The following LAMB4 variants were observed in gnomAD, a reference collection of about 807,000 sequenced individuals.
The protein encoded by LAMB4 is laminin subunit beta 4.
Under a neutral mutation model 199.2 loss-of-function variants are expected in LAMB4, and 196 were observed. The ratio of observed to expected loss-of-function variants is 0.98; its 90% CI spans 0.88 to 1.11. LAMB4 has a LOEUF of 1.11. Ranked by LOEUF, LAMB4 falls within the 50% of genes least tolerant of loss-of-function variation. The pLI is 0.00. For synonymous variants in LAMB4, 744 were observed against 770.6 expected, an observed-to-expected ratio of 0.97 and a Z score of 0.57; for missense variants, 2,080 against 2,171.2, an observed-to-expected ratio of 0.96 and a Z score of 0.83.
chr7:108,045,680 G>A (rs1165358357), intron 28 of LAMB4, among the ~76,000 whole-genome samples: 2 of 152,154 alleles, frequency 1.3e-5, no homozygotes, highest in Admixed American at 1.3e-4. Flanking sequence ...AAACAATGAA[G>A]GTGTGTTTTA....
chr7:108,060,246 GCTAC>G (rs1299929896), intron 23 of LAMB4, among the ~76,000 whole-genome samples: 3 of 152,186 alleles, frequency 2.0e-5, no homozygotes, highest in African/African-American at 7.2e-5. Flanking sequence ...CAGCTTCAAG[GCTAC>G]CTTGGAACTG....
intron 28 of LAMB4, among the ~76,000 whole-genome samples, chr7:108,046,157 C>T (rs1218326014): frequency 6.6e-6 from 1 of 151,894 alleles, no homozygotes; most frequent in Non-Finnish European, 1.5e-5. Flanking sequence ...CAACCTCTGC[C>T]TCCCGGGTCC....
chr7:108,075,054 T>A (rs865983851), intron 17 of LAMB4, among the ~76,000 whole-genome samples: 36 of 152,208 alleles, frequency 2.4e-4, no homozygotes, highest in Middle Eastern at 3.2e-3. Flanking sequence ...CCATTCTCTT[T>A]AATTTGCTTG....
Position 108,105,949 on chromosome 7 carries a change from A to G in LAMB4, c.738T>C (p.Asn246=), listed in dbSNP as rs1193474010. The G allele has an allele frequency of 6.2e-7, 1 of 1,614,230 alleles. No homozygotes were observed. Among genetic ancestry groups the G allele is most frequent in the South Asian group, 1.1e-5 (1 of 91,088 alleles). The change falls in exon 8 of 34, where the codon AAT becomes AAC. Residue 246 remains asparagine, a synonymous_variant. Coordinates refer to ENST00000388781, the MANE Select transcript of LAMB4 (RefSeq NM_007356.3). ...CATAGTAGTATTTATCAAGGGAATCATTTTGCCTCCTTCCAAGCAAAGCAT... is the reference window on the plus strand; with the variant it reads ...CATAGTAGTATTTATCAAGGGAATCGTTTTGCCTCCTTCCAAGCAAAGCAT... The part of the protein sequence containing the change: ...LGDALLGRRQ[N]DSLDKYYYAL...
chr7:108,052,376 C>T (rs972071658), intron 25 of LAMB4, 119 bp from the exon 26 acceptor site: 16 of 683,050 alleles, frequency 2.3e-5, no homozygotes, highest in Non-Finnish European at 3.7e-5. Flanking sequence ...GGGATTCCTT[C>T]TACTCGAGTT....
chr7:108,025,374 C>G lies in LAMB4; in HGVS notation c.5147-1196G>C, dbSNP rs994790959. On this transcript the variant is annotated intron_variant, in intron 33 of 33. Coordinates refer to ENST00000388781, the MANE Select transcript of LAMB4 (RefSeq NM_007356.3). Reference sequence around the variant, plus strand: ...TGTTCTGTCACTAGATTCTTTCTTTCTTTCTTTTCTTTTCTTTTCTTTCTT... The same window carrying G: ...TGTTCTGTCACTAGATTCTTTCTTTGTTTCTTTTCTTTTCTTTTCTTTCTT... Among the ~76,000 whole-genome samples the G allele has an allele frequency of 2.3e-5, 3 of 130,814 alleles. 1 individual carries two copies. The highest frequency in any genetic ancestry group is 1.1e-4 in the African/African-American group (3 of 27,890). The allele number at this position is 130,814 out of a possible 152,430, so 85.8% of individuals were successfully genotyped here.
chr7:108,015,746 GA>G, the LAMB4 span, among the ~76,000 whole-genome samples: 2 of 127,264 alleles, frequency 1.6e-5, no homozygotes, highest in Admixed American at 1.6e-4. Flanking sequence ...AAGTTTTGAA[GA>G]CTTTTTTTTT....
At chr7:108,038,509 G>A (rs2035309071) in intron 29 of LAMB4, among the ~76,000 whole-genome samples, 1 of 152,144 alleles carries the variant, frequency 6.6e-6, no homozygotes, top group Non-Finnish European at 1.5e-5. Flanking sequence ...AAGTAAATTT[G>A]GCCCCTATTG....
chr7:108,078,432 C>T, intron 15 of LAMB4, 116 bp from the exon 16 acceptor site: 1 of 637,052 alleles, frequency 1.6e-6, no homozygotes, highest in East Asian at 2.8e-5. Flanking sequence ...CCCTAGGCCA[C>T]TTGGCAAAGA....
rs757120588 is a variant in LAMB4, at chr7:108,079,603, G to A, written c.1885C>T (p.Gln629Ter). The A allele has an allele frequency of 6.9e-6, 11 of 1,602,188 alleles. 1 individual carries two copies. Among genetic ancestry groups the A allele is most frequent in the Non-Finnish European group, 6.0e-6 (7 of 1,175,226 alleles). Residue 629 changes from glutamine (Q) to a stop codon, truncating the protein, a stop_gained and splice_region_variant, in exon 15 of 34, where the codon CAG (glutamine) becomes TAG (stop). Transcript: ENST00000388781. LOFTEE classifies it high-confidence loss of function. ...DFTIAIHYET[Q>*]SAADWTVQIV... ...AAAGTTGGAGAGTTAAAGGATACCT[G>A]GGTTTCATAGTGAATGGCAATGGTG...
chr7:108,121,579 G>C (rs2038599905), intron 2 of LAMB4, among the ~76,000 whole-genome samples: 1 of 152,022 alleles, frequency 6.6e-6, no homozygotes. Flanking sequence ...GTGAAACCCT[G>C]TCTCTACTAA....
the LAMB4 span, among the ~76,000 whole-genome samples, chr7:108,016,476 G>A: frequency 0.11 from 16,637 of 151,998 alleles, 1,189 homozygotes; most frequent in Non-Finnish European, 0.16. Flanking sequence ...TAGAGATGGC[G>A]TTTCACCATA....
chr7:108,043,541 TGA>T, intron 29 of LAMB4, among the ~76,000 whole-genome samples: 5 of 88,680 alleles, frequency 5.6e-5, no homozygotes, highest in East Asian at 2.9e-4. Flanking sequence ...GAACTGGCTA[TGA>T]TGTTTTTTTT....
At chr7:108,016,261 T>C in the LAMB4 span, among the ~76,000 whole-genome samples, 2 of 150,050 alleles carry the variant, frequency 1.3e-5, no homozygotes, top group South Asian at 4.2e-4. Context: ...TTTTCAAATC[T>C]CTTGCATTTT....
intron 11 of LAMB4, among the ~76,000 whole-genome samples, chr7:108,096,872 G>T (rs2037621061): frequency 6.9e-6 from 1 of 144,318 alleles, no homozygotes; most frequent in Non-Finnish European, 1.5e-5. Context: ...GGAGTTTAAG[G>T]CTGCAGTGAG....
chr7:108,039,290 A>G (rs553772057), intron 29 of LAMB4, among the ~76,000 whole-genome samples: 13 of 152,264 alleles, frequency 8.5e-5, no homozygotes, highest in Middle Eastern at 3.4e-3. Context: ...GTGACATGAC[A>G]TGAATATATA....
intron 1 of LAMB4, among the ~76,000 whole-genome samples, chr7:108,128,350 G>A (rs113120882): frequency 5.9e-5 from 9 of 152,226 alleles, no homozygotes; most frequent in African/African-American, 2.2e-4. Context: ...CATGACAGAC[G>A]CTACTGGCAT....
At chr7:108,103,276 G>C in intron 9 of LAMB4, 44 bp from the exon 10 acceptor site, 1 of 1,484,092 alleles carries the variant, frequency 6.7e-7, no homozygotes, top group Non-Finnish European at 9.1e-7. Context: ...TAAGGCCTCG[G>C]GTGGCACAGC....
chr7:108,044,115 T>TG, intron 28 of LAMB4: 1 of 419,832 alleles, frequency 2.4e-6, no homozygotes. Context: ...AATTTATCTT[T>TG]TAGAACATTA....
Sources: allele counts gnomAD v4.1 joint callset (sites outside exome capture counted in the v4.1 genomes callset), GRCh38; gene constraint gnomAD v4.1.1; transcripts MANE v1.5; gene names NCBI Gene and HGNC (gene_info 2026-07-23, HGNC 2026-07-21).